CRK: variants seen among roughly 807,000 people sequenced by gnomAD.
CRK encodes the protein adapter molecule crk.
CRK carries 4 observed loss-of-function variants against 29.8 expected under a neutral mutation model. That is an observed-to-expected ratio of 0.13 (90% CI 0.07 to 0.31). CRK has a LOEUF of 0.31. Ranked by LOEUF, CRK falls within the 10% of genes least tolerant of loss-of-function variation. The pLI is 1.00. For synonymous variants in CRK, 153 were observed against 164.9 expected, an observed-to-expected ratio of 0.93 and a Z score of 0.55; for missense variants, 274 against 396.5, an observed-to-expected ratio of 0.69 and a Z score of 2.62.
intron 1 of CRK, among the ~76,000 whole-genome samples, chr17:1,448,066 C>A (rs879466514): frequency 2.6e-5 from 4 of 151,374 alleles, no homozygotes; most frequent in Admixed American, 2.0e-4. Flanking sequence ...CGCTTGAACC[C>A]GGGAGGCGGA....
chr17:1,434,248 C>T (rs1298952758), intron 2 of CRK, among the ~76,000 whole-genome samples: 1 of 152,116 alleles, frequency 6.6e-6, no homozygotes, highest in Non-Finnish European at 1.5e-5. Context: ...TCACCTGCAT[C>T]AGAGATGGAC....
At chr17:1,444,838 GA>G (rs71148484) in intron 1 of CRK, among the ~76,000 whole-genome samples, 92,616 of 125,782 alleles carry the variant, frequency 0.74, 33,082 homozygotes, top group African/African-American at 0.81. Flanking sequence ...CATCTCAAAA[GA>G]AAAAAAAAAA....
In CRK at chr17:1,431,067, A is replaced by AAAACAAGC. The variant is rs1555652396; in HGVS notation, c.777+5552_777+5553insGCTTGTTT. On this transcript the variant is annotated intron_variant, in intron 2 of 2. Coordinates refer to ENST00000300574, the MANE Select transcript of CRK (RefSeq NM_016823.4). The stretch of plus-strand genomic sequence containing the variant: ...GGGCGACAGAGTGAGACTCCGTCTC[A>AAAACAAGC]AAACAAACAAACAAACAAACAAACA... Among the ~76,000 whole-genome samples the AAAACAAGC allele has an allele frequency of 9.6e-3, 1,445 of 150,686 alleles. 25 individuals carry two copies. Among genetic ancestry groups the AAAACAAGC allele is most frequent in the African/African-American group, 0.033 (1,339 of 40,988 alleles).
At chr17:1,430,793 C>T (rs371038410) in intron 2 of CRK, among the ~76,000 whole-genome samples, 9 of 151,804 alleles carry the variant, frequency 5.9e-5, no homozygotes, top group South Asian at 2.1e-4. Flanking sequence ...TATGGCCGGG[C>T]GCTGTGGCTC....
At chr17:1,429,002 C>T (rs768313848) in intron 2 of CRK, among the ~76,000 whole-genome samples, 2 of 151,794 alleles carry the variant, frequency 1.3e-5, no homozygotes, top group Non-Finnish European at 2.9e-5. Context: ...CACGCCACCA[C>T]GTCCGGCTAA....
chr17:1,431,632 G>C (rs2073846107), intron 2 of CRK, among the ~76,000 whole-genome samples: 1 of 151,900 alleles, frequency 6.6e-6, no homozygotes, highest in African/African-American at 2.4e-5. Context: ...CTGTCGCCTA[G>C]CCTGGACTGC....
At chr17:1,427,072 A>AAAAAAAAAAAAAAAAAAAAAAAAG (rs778793991) in intron 2 of CRK, among the ~76,000 whole-genome samples, 4 of 92,074 alleles carry the variant, frequency 4.3e-5, no homozygotes, top group Non-Finnish European at 6.3e-5. Context: ...AAAAAAAAAA[A>AAAAAAAAAAAAAAAAAAAAAAAAG]GATTCTGACA....
Position 1,423,440 on chromosome 17 carries a change from A to G in CRK, c.*73T>C. ...AGACTGCTTTTGACATCTGTAAGAA[A>G]ATTGTATAGATGGCAGTTGGAAAAA... On this transcript the variant is annotated 3_prime_UTR_variant, in exon 3 of 3. Coordinates refer to ENST00000300574, the MANE Select transcript of CRK (RefSeq NM_016823.4). The G allele has an allele frequency of 6.5e-7, 1 of 1,541,434 alleles. No individual in the cohort carries two copies. Among genetic ancestry groups the G allele is most frequent in the Non-Finnish European group, 8.8e-7 (1 of 1,141,138 alleles).
intron 2 of CRK, among the ~76,000 whole-genome samples, chr17:1,426,069 G>A (rs953907585): frequency 3.9e-5 from 6 of 152,168 alleles, no homozygotes; most frequent in South Asian, 2.1e-4. Flanking sequence ...GTGGCCAAGC[G>A]TGCTGGTGTG....
chr17:1,433,268 T>TAG (rs1351912402), intron 2 of CRK, among the ~76,000 whole-genome samples: 2 of 152,088 alleles, frequency 1.3e-5, no homozygotes, highest in Non-Finnish European at 2.9e-5. Context: ...GGTGACTGCT[T>TAG]TTCTAGGTCC....
chr17:1,432,332 T>TA (rs1316296335), intron 2 of CRK, among the ~76,000 whole-genome samples: 1 of 150,380 alleles, frequency 6.6e-6, no homozygotes, highest in South Asian at 2.1e-4. Flanking sequence ...CTACTAAAAA[T>TA]AAAAAAATTA....
chr17:1,445,710 T>G (rs1309859428), intron 1 of CRK, among the ~76,000 whole-genome samples: 1 of 152,148 alleles, frequency 6.6e-6, no homozygotes, highest in African/African-American at 2.4e-5. Flanking sequence ...AGGGTCAGTG[T>G]GAGCGCATAG....
chr17:1,426,824 T>C (rs2073783146), intron 2 of CRK, among the ~76,000 whole-genome samples: 1 of 150,376 alleles, frequency 6.6e-6, no homozygotes, highest in Non-Finnish European at 1.5e-5. Context: ...ACTGTGCCAC[T>C]GCACTCCAGC....
In CRK at chr17:1,428,521, C is replaced by CTTT. The variant is rs754259440; in HGVS notation, c.778-4874_778-4872dup. Among the ~76,000 whole-genome samples the CTTT allele has an allele frequency of 9.7e-3, 1,082 of 111,118 alleles. 58 individuals are homozygous for CTTT. Among genetic ancestry groups the CTTT allele is most frequent in the African/African-American group, 0.033 (936 of 28,252 alleles). 72.9% of individuals were successfully genotyped at this position (111,118 alleles called of 152,430 possible). On this transcript the variant is annotated intron_variant, in intron 2 of 2. Transcript: ENST00000300574. Reference sequence around the variant, plus strand: ...ATTAGACCTTTGGACCATATCAGATCTTTTTTTTTTTTTTTTTTTTGAGAC... The same window carrying CTTT: ...ATTAGACCTTTGGACCATATCAGATCTTTTTTTTTTTTTTTTTTTTTTTGAGAC...
chr17:1,424,731 C>T (rs962669428), intron 2 of CRK: 1 of 152,264 alleles, frequency 6.6e-6, no homozygotes, highest in Admixed American at 6.6e-5. Flanking sequence ...CAACCATGGC[C>T]GGGCGCAGTG....
intron 2 of CRK, among the ~76,000 whole-genome samples, chr17:1,428,541 T>TTTTG (rs60605860): frequency 6.8e-6 from 1 of 147,940 alleles, no homozygotes; most frequent in Non-Finnish European, 1.5e-5. Context: ...TTTTTTTTTT[T>TTTTG]GAGACAGCGT....
chr17:1,430,608 G>A (rs1290061159), intron 2 of CRK, among the ~76,000 whole-genome samples: 8 of 133,396 alleles, frequency 6.0e-5, no homozygotes, highest in East Asian at 4.9e-4. Flanking sequence ...CTCGTGATCC[G>A]CCCGCCTTGG....
intron 1 of CRK, 134 bp downstream of exon 1, chr17:1,455,743 G>A: frequency 3.2e-6 from 4 of 1,264,878 alleles, no homozygotes; most frequent in Non-Finnish European, 4.1e-6. Flanking sequence ...CCGAGCAGCC[G>A]GCGGGCCCCT....
chr17:1,423,706 C>A, intron 2 of CRK, 56 bp from the exon 3 acceptor site: 1 of 1,600,896 alleles, frequency 6.2e-7, no homozygotes, highest in Admixed American at 1.7e-5. Context: ...GCAAGCTGAA[C>A]AACTCCATTC....
Sources: gnomAD v4.1 joint callset for allele counts (sites outside exome capture counted in the v4.1 genomes callset) on GRCh38, gnomAD v4.1.1 for gene constraint, MANE v1.5 for transcripts, NCBI Gene and HGNC (gene_info 2026-07-23, HGNC 2026-07-21) for gene names.